The following INSL6 variants were observed in gnomAD, a reference collection of about 807,000 sequenced individuals.
The protein encoded by INSL6 is insulin-like peptide INSL6.
INSL6 carries 16 observed loss-of-function variants against 9.4 expected under a neutral mutation model. That is an observed-to-expected ratio of 1.70 (90% CI 1.15 to 2.59). The LOEUF (loss-of-function observed/expected upper bound fraction) is 2.59, where lower values mean the gene tolerates loss of function less well. Among genes scored for constraint, INSL6 ranks in the 30% most tolerant of loss-of-function variants. INSL6 has a pLI of 0.00. For missense variants in INSL6, 391 were observed against 257.3 expected, an observed-to-expected ratio of 1.52 and a Z score of -3.56; for synonymous variants, 154 against 96.9, an observed-to-expected ratio of 1.59 and a Z score of -3.46.
the INSL6 span, among the ~76,000 whole-genome samples, chr9:5,070,276 T>A: frequency 2.0e-5 from 3 of 152,154 alleles, no homozygotes; most frequent in Non-Finnish European, 4.4e-5. Context: ...TTTTGGAAAT[T>A]TAAAAATGAT....
intron 2 of INSL6, among the ~76,000 whole-genome samples, chr9:5,139,915 T>C (rs1046316970): frequency 9.9e-5 from 15 of 152,188 alleles, no homozygotes; most frequent in Non-Finnish European, 1.9e-4. Context: ...CTAAATACTT[T>C]TGGTGAACAA....
chr9:5,089,711 C>T, the INSL6 span: 1 of 1,528,784 alleles, frequency 6.5e-7, no homozygotes, highest in Non-Finnish European at 8.8e-7. Flanking sequence ...CGGTATGACC[C>T]TCTACAGGAC....
intron 1 of INSL6, among the ~76,000 whole-genome samples, chr9:5,167,883 T>C (rs900968110): frequency 4.6e-5 from 7 of 152,152 alleles, no homozygotes; most frequent in African/African-American, 1.7e-4. Flanking sequence ...CCTGCCATCT[T>C]TGCTGGTCTG....
intron 1 of INSL6, among the ~76,000 whole-genome samples, chr9:5,167,005 C>A (rs566050150): frequency 6.6e-6 from 1 of 152,098 alleles, no homozygotes; most frequent in African/African-American, 2.4e-5. Context: ...CAGCTCCCAC[C>A]GAAAAGGACA....
chr9:5,080,595 C>T, the INSL6 span: 7 of 1,607,816 alleles, frequency 4.4e-6, no homozygotes, highest in South Asian at 6.7e-5. Context: ...AATTAGCAAA[C>T]CTTATAAATA....
chr9:5,175,103 C>A (rs1183589765), intron 1 of INSL6, among the ~76,000 whole-genome samples: 2 of 152,090 alleles, frequency 1.3e-5, no homozygotes, highest in African/African-American at 2.4e-5. Context: ...CCACGCCCAG[C>A]AAATTTTTTG....
At chr9:5,111,590 T>C in the INSL6 span, 1 of 366,186 alleles carries the variant, frequency 2.7e-6, no homozygotes, top group Non-Finnish European at 5.3e-6. Context: ...AGCCGAGCTC[T>C]GGAGTTCCCT....
chr9:5,042,771 C>A, the INSL6 span, among the ~76,000 whole-genome samples: 880 of 152,294 alleles, frequency 5.8e-3, 9 homozygotes, highest in African/African-American at 0.02. Flanking sequence ...AGGCTGTGCC[C>A]CAGGCCTCCC....
chr9:5,033,977 T>G, the INSL6 span, among the ~76,000 whole-genome samples: 29,887 of 152,150 alleles, frequency 0.2, 3,430 homozygotes, highest in Middle Eastern at 0.28. Flanking sequence ...CCCATCAGTG[T>G]GCTGTATTCA....
chr9:5,079,808 C>A, the INSL6 span, among the ~76,000 whole-genome samples: 5 of 151,664 alleles, frequency 3.3e-5, no homozygotes, highest in Non-Finnish European at 7.4e-5. Context: ...GACACAGTGA[C>A]ACCCTGTCTC....
At position 5,185,615 on chromosome 9, in the gene INSL6, A is replaced by C. The variant is rs758698177; in HGVS notation, c.-13T>G. On this transcript the variant is annotated 5_prime_UTR_variant, in exon 1 of 2. Transcript: ENST00000381641. The stretch of plus-strand genomic sequence containing the variant: ...GGAGCCGCGGCATCCCTGTGACCCC[A>C]GGCTAGTCCTCCGCGTTGTGCAATG... 12 of 1,607,116 alleles carry C rather than the reference A, an allele frequency of 7.5e-6. No individual in the cohort carries two copies. Among genetic ancestry groups the C allele is most frequent in the Admixed American group, 3.4e-5 (2 of 59,124 alleles).
chr9:5,070,104 C>A, the INSL6 span: 5 of 1,316,874 alleles, frequency 3.8e-6, no homozygotes, highest in Non-Finnish European at 5.3e-6. Flanking sequence ...AAAACAACAT[C>A]TGTTTTCTTG....
Position 5,164,207 on chromosome 9 carries a change from A to G in INSL6, c.348T>C (p.Tyr116=), listed in dbSNP as rs766361125. The G allele has an allele frequency of 3.1e-6, 5 of 1,607,714 alleles. No homozygotes were observed. In the African/African-American group the frequency reaches 6.7e-5, roughly 22 times the overall value. Residue 116 remains tyrosine (Y), a synonymous_variant, in exon 2 of 2, where the codon TAT becomes TAC. Coordinates refer to ENST00000381641, the MANE Select transcript of INSL6 (RefSeq NM_007179.3). ...GGGGTGAATATCCCTTTTTATCCTT[A>G]TACTCAGGTAGTGACTGCATTTCCC... ...NSWEMQSLPE[Y]KDKKGYSPLG... is the part of the protein sequence containing the mutation.
the INSL6 span, among the ~76,000 whole-genome samples, chr9:5,021,097 C>T: frequency 6.6e-6 from 1 of 152,244 alleles, no homozygotes; most frequent in African/African-American, 2.4e-5. Context: ...CACTGGGAGT[C>T]TCTCACTTAC....
At chr9:5,040,913 C>T in the INSL6 span, 1 of 322,750 alleles carries the variant, frequency 3.1e-6, no homozygotes, top group Non-Finnish European at 5.9e-6. Flanking sequence ...GCCACCCAGA[C>T]GCTGCCGGCA....
chr9:5,071,871 A>G, the INSL6 span, among the ~76,000 whole-genome samples: 2 of 152,212 alleles, frequency 1.3e-5, no homozygotes, highest in African/African-American at 4.8e-5. Context: ...CAGGCTTTCA[A>G]CAATTACTTT....
the INSL6 span, among the ~76,000 whole-genome samples, chr9:5,103,327 C>A: frequency 1.9e-4 from 27 of 141,664 alleles, no homozygotes; most frequent in African/African-American, 8.0e-4. Flanking sequence ...ACAAAAAAGG[C>A]CATTACATAA....
At chr9:5,035,234 ATAAT>A in the INSL6 span, among the ~76,000 whole-genome samples, 2 of 152,252 alleles carry the variant, frequency 1.3e-5, no homozygotes, top group African/African-American at 4.8e-5. Context: ...AATTGAGGCA[ATAAT>A]TAATAGTTTA....
the INSL6 span, chr9:5,050,959 G>A: frequency 3.8e-6 from 3 of 797,572 alleles, no homozygotes; most frequent in Non-Finnish European, 6.0e-6. Flanking sequence ...TATCTAAAAT[G>A]CTTGGAATCA....
Sources: gnomAD v4.1 joint callset for allele counts (sites outside exome capture counted in the v4.1 genomes callset) on GRCh38, gnomAD v4.1.1 for gene constraint, MANE v1.5 for transcripts, NCBI Gene and HGNC (gene_info 2026-07-23, HGNC 2026-07-21) for gene names.